The following SPOPL variants were observed in gnomAD, a reference collection of about 807,000 sequenced individuals.
SPOPL encodes the protein speckle type BTB/POZ protein like.
SPOPL carries 23 observed loss-of-function variants against 53.8 expected under a neutral mutation model. The observed-to-expected ratio is 0.43, with a 90% CI of 0.31 to 0.61. The LOEUF (loss-of-function observed/expected upper bound fraction) is 0.61, where lower values mean the gene tolerates loss of function less well. Ranked by LOEUF, SPOPL falls within the 20% of genes least tolerant of loss-of-function variation. The pLI is 0.12. For synonymous variants in SPOPL, 164 were observed against 149.7 expected (o/e 1.10, Z -0.70); for missense variants, 442 against 466.9 (o/e 0.95, Z 0.49).
rs944025018 is a variant in SPOPL at position 138,544,502 on chromosome 2, G to A, written c.-60-5655G>A. Among the ~76,000 whole-genome samples the A allele has an allele frequency of 2.0e-5, 3 of 152,194 alleles. No homozygotes were observed. In the East Asian group the frequency reaches 5.8e-4, roughly 29 times the overall value. On this transcript the variant is annotated intron_variant, in intron 1 of 10. Coordinates refer to ENST00000280098, the MANE Select transcript of SPOPL (RefSeq NM_001001664.3). Reference sequence around the variant, plus strand: ...TCAGACTGCTGTGTTAGCAATGAGCGAGGCTCCCTGGGCGTTAAGACCCTC... The same window carrying A: ...TCAGACTGCTGTGTTAGCAATGAGCAAGGCTCCCTGGGCGTTAAGACCCTC...
At chr2:138,536,550 G>T (rs1684940758) in intron 1 of SPOPL, among the ~76,000 whole-genome samples, 1 of 152,216 alleles carries the variant, frequency 6.6e-6, no homozygotes, top group Non-Finnish European at 1.5e-5. Context: ...TTGTTCTGCA[G>T]ACTCATCAAC....
intron 1 of SPOPL, among the ~76,000 whole-genome samples, chr2:138,540,628 T>A (rs1199941317): frequency 6.6e-6 from 1 of 152,216 alleles, no homozygotes; most frequent in African/African-American, 2.4e-5. Context: ...CTTATCAGCT[T>A]AAGGAGATTT....
intron 1 of SPOPL, among the ~76,000 whole-genome samples, chr2:138,513,701 C>T (rs1273281743): frequency 6.7e-6 from 1 of 148,670 alleles, no homozygotes; most frequent in Non-Finnish European, 1.5e-5. Context: ...GGTCTTGTCA[C>T]TGCGCTCCAG....
At chr2:138,514,621 C>G (rs192070618) in intron 1 of SPOPL, among the ~76,000 whole-genome samples, 21 of 152,212 alleles carry the variant, frequency 1.4e-4, no homozygotes, top group Admixed American at 1.3e-3. Context: ...TAGGTTGTTT[C>G]CAGTTTGGGG....
At chr2:138,513,611 A>T (rs928315665) in intron 1 of SPOPL, among the ~76,000 whole-genome samples, 3 of 151,992 alleles carry the variant, frequency 2.0e-5, no homozygotes, top group African/African-American at 7.2e-5. Context: ...GTTGTGGTGC[A>T]CGCCTGTAGT....
chr2:138,503,927 C>A (rs1684159467), intron 1 of SPOPL, among the ~76,000 whole-genome samples: 1 of 152,114 alleles, frequency 6.6e-6, no homozygotes, highest in African/African-American at 2.4e-5. Flanking sequence ...GTGTTATGTT[C>A]ATTCATATTC....
chr2:138,502,683 A>G (rs1047313032), intron 1 of SPOPL, among the ~76,000 whole-genome samples: 1 of 152,008 alleles, frequency 6.6e-6, no homozygotes, highest in Admixed American at 6.6e-5. Flanking sequence ...CCTGCTTTCT[A>G]ATACATTTTT....
chr2:138,525,125 T>C (rs1684641443), intron 1 of SPOPL, among the ~76,000 whole-genome samples: 2 of 152,222 alleles, frequency 1.3e-5, no homozygotes, highest in African/African-American at 4.8e-5. Flanking sequence ...AAGGTTTAAT[T>C]GGACTTACAG....
intron 10 of SPOPL, among the ~76,000 whole-genome samples, chr2:138,567,647 T>C (rs961796606): frequency 6.6e-6 from 1 of 152,024 alleles, no homozygotes; most frequent in South Asian, 2.1e-4. Context: ...GAGGTTGCGG[T>C]GGCAATAGTA....
Position 138,572,631 on chromosome 2 carries a change from G to A in SPOPL, c.*3551G>A, listed in dbSNP as rs1476790607. On this transcript the variant is annotated 3_prime_UTR_variant, in exon 11 of 11. Coordinates refer to ENST00000280098, the MANE Select transcript of SPOPL (RefSeq NM_001001664.3). ...ATTCAATTTATTCTTACAAAAGAAG[G>A]TGGGTGGGTGAGTGGGTTCGTTTTA... 1 of 152,608 alleles carries A rather than the reference G, an allele frequency of 6.6e-6. No individual in the cohort carries two copies. Among genetic ancestry groups the A allele is most frequent in the Non-Finnish European group, 1.5e-5 (1 of 68,002 alleles). 9.5% of individuals were successfully genotyped at this position (152,608 alleles called of 1,614,324 possible). A position where few individuals can be genotyped will look rare whatever the true frequency, so the allele number is the denominator to read the frequency against.
intron 10 of SPOPL, 125 bp downstream of exon 10, chr2:138,565,118 T>C (rs1359104142): frequency 8.1e-7 from 1 of 1,232,242 alleles, no homozygotes; most frequent in Non-Finnish European, 1.1e-6. Flanking sequence ...CTGCCAGTTA[T>C]TAAAAACAAA....
chr2:138,506,850 T>C (rs1447411973), intron 1 of SPOPL, among the ~76,000 whole-genome samples: 1 of 152,056 alleles, frequency 6.6e-6, no homozygotes, highest in Non-Finnish European at 1.5e-5. Context: ...AGGGATGAGA[T>C]TGCTTAAGGA....
rs574565221 is a variant in SPOPL, at chr2:138,548,943, C to A, written c.-60-1214C>A. ...TTTTGTTTCTGCTCCTGTTTCTACT[C>A]CCAAGTCTGTAGAAAACAATAGTGG... On this transcript the variant is annotated intron_variant, in intron 1 of 10. Transcript: ENST00000280098. 5.3e-5 allele frequency among the ~76,000 whole-genome samples: 8 copies of A among 152,180 alleles called. No individual in the cohort carries two copies. In the East Asian group the frequency reaches 1.4e-3, roughly 26 times the overall value.
intron 7 of SPOPL, among the ~76,000 whole-genome samples, chr2:138,559,873 G>A (rs892499534): frequency 6.6e-6 from 1 of 152,052 alleles, no homozygotes; most frequent in Non-Finnish European, 1.5e-5. Context: ...TGAACCGTAG[G>A]GCTCCAGCTG....
At chr2:138,539,435 C>G (rs1199404331) in intron 1 of SPOPL, among the ~76,000 whole-genome samples, 1 of 151,680 alleles carries the variant, frequency 6.6e-6, no homozygotes, top group African/African-American at 2.4e-5. Context: ...TTTTAATGAT[C>G]GCCATTCTAA....
rs534925590 is a variant in SPOPL at position 138,546,922 on chromosome 2, A to G, written c.-60-3235A>G. 2.6e-5 allele frequency among the ~76,000 whole-genome samples: 4 copies of G among 152,322 alleles called. No individual in the cohort carries two copies. In the East Asian group the frequency reaches 7.7e-4, roughly 29 times the overall value. On this transcript the variant is annotated intron_variant, in intron 1 of 10. Coordinates refer to ENST00000280098, the MANE Select transcript of SPOPL (RefSeq NM_001001664.3). ...TTGAAGTAAAGCTGGAGAGAAAAAC[A>G]AAGAAATCCTTGTAATCTTTTATGT...
Position 138,527,585 on chromosome 2 carries a change from G to A in SPOPL, c.-60-22572G>A, listed in dbSNP as rs1684702975. 2.0e-5 allele frequency among the ~76,000 whole-genome samples: 3 copies of A among 152,192 alleles called. No individual in the cohort carries two copies. In the South Asian group the frequency reaches 6.2e-4, roughly 32 times the overall value. On this transcript the variant is annotated intron_variant, in intron 1 of 10. Transcript: ENST00000280098. ...CAGCTTGTTCTTGTCTTATTCAATT[G>A]TACTTTAAGAGAAATTTTTTAAAAG...
chr2:138,532,949 C>T (rs958600982), intron 1 of SPOPL, among the ~76,000 whole-genome samples: 5 of 152,188 alleles, frequency 3.3e-5, no homozygotes, highest in African/African-American at 1.2e-4. Context: ...AGAAGCAGAA[C>T]ATCCCATGGT....
chr2:138,529,498 C>CTGTG (rs58483992), intron 1 of SPOPL, among the ~76,000 whole-genome samples: 6,424 of 147,618 alleles, frequency 0.044, 241 homozygotes, highest in East Asian at 0.16. Context: ...ATGCATGTGC[C>CTGTG]TGTGTGTGTG....
Sources: allele counts gnomAD v4.1 joint callset (sites outside exome capture counted in the v4.1 genomes callset), GRCh38; gene constraint gnomAD v4.1.1; transcripts MANE v1.5; gene names NCBI Gene and HGNC (gene_info 2026-07-23, HGNC 2026-07-21).